Variants in LIMCH1 observed in about 807,000 individuals in gnomAD.
The protein encoded by LIMCH1 is LIM and calponin homology domains-containing protein 1.
Under a neutral mutation model 176.5 loss-of-function variants are expected in LIMCH1, and 113 were observed. That is an observed-to-expected ratio of 0.64 (90% CI 0.55 to 0.75). The LOEUF is 0.75. Ranked by LOEUF, LIMCH1 falls within the 30% of genes least tolerant of loss-of-function variation. The probability of loss-of-function intolerance (pLI) is 0.00; values close to 1 mark genes in which losing one functional copy is unlikely to be tolerated. For missense variants in LIMCH1, 1,674 were observed against 1,814.9 expected, an observed-to-expected ratio of 0.92 and a Z score of 1.41; for synonymous variants, 619 against 645.9, an observed-to-expected ratio of 0.96 and a Z score of 0.63.
chr4:41,620,404 C>A lies in LIMCH1; in HGVS notation c.459-20C>A. The A allele has an allele frequency of 6.5e-7, 1 of 1,531,632 alleles. No individual in the cohort carries two copies. 94.9% of individuals were successfully genotyped at this position (1,531,632 alleles called of 1,614,324 possible). ...AGCCCAGTCTGTTAGTTTGGTAAACCATATTGTCCAACTCACTAGCTTTCC... is the reference window on the plus strand; with the variant it reads ...AGCCCAGTCTGTTAGTTTGGTAAACAATATTGTCCAACTCACTAGCTTTCC... On this transcript the variant is annotated intron_variant, in intron 6 of 31. Transcript: ENST00000503057.
chr4:41,633,637 T>C lies in LIMCH1; in HGVS notation c.1919T>C (p.Leu640Pro), dbSNP rs1033768122. ...MTAPAWSGSG[L>P]KGQRKLDDSR... is the part of the protein sequence containing the mutation. ...GCTCCTGCCTGGAGTGGCAGTGGAC[T>C]GAAAGGCCAGCGAAAGTTGGATGAT... Residue 640 changes from leucine (L) to proline (P), a missense_variant, in exon 13 of 32, where the codon CTG becomes CCG. Around this residue, in one of 3 missense-constraint regions of LIMCH1, gnomAD observed 1,015 missense variants for 1,102.5 expected, o/e 0.92. Transcript: ENST00000503057. The C allele has an allele frequency of 2.0e-6, 3 of 1,536,158 alleles. No homozygotes were observed. In the African/African-American group the frequency reaches 4.1e-5, roughly 21 times the overall value.
chr4:41,580,948 A>G (rs1484191085), intron 1 of LIMCH1, among the ~76,000 whole-genome samples: 2 of 152,310 alleles, frequency 1.3e-5, no homozygotes, highest in South Asian at 2.1e-4. Context: ...ATAAATGATC[A>G]AAATTGATCC....
intron 1 of LIMCH1, among the ~76,000 whole-genome samples, chr4:41,586,465 T>C (rs1431348279): frequency 6.6e-6 from 1 of 152,070 alleles, no homozygotes; most frequent in Non-Finnish European, 1.5e-5. Flanking sequence ...ACCAAACCCA[T>C]AGCAATCCAC....
intron 23 of LIMCH1, among the ~76,000 whole-genome samples, chr4:41,677,272 G>A (rs908707160): frequency 3.3e-5 from 5 of 151,976 alleles, no homozygotes; most frequent in South Asian, 4.2e-4. Context: ...TTAGCCGGGC[G>A]TGGTGTCACA....
chr4:41,393,337 C>G (rs895687048), intron 1 of LIMCH1, among the ~76,000 whole-genome samples: 2 of 152,136 alleles, frequency 1.3e-5, no homozygotes, highest in Admixed American at 6.5e-5. Context: ...GCTGCTGCTG[C>G]TGGTGGTAAA....
intron 22 of LIMCH1, among the ~76,000 whole-genome samples, chr4:41,674,199 C>T (rs919463212): frequency 2.6e-5 from 4 of 152,166 alleles, no homozygotes; most frequent in Admixed American, 2.0e-4. Context: ...CCCACACTTC[C>T]TCCTCCTATC....
intron 1 of LIMCH1, among the ~76,000 whole-genome samples, chr4:41,571,076 G>A (rs1362351218): frequency 6.6e-6 from 1 of 152,142 alleles, no homozygotes; most frequent in Admixed American, 6.5e-5. Context: ...GGATCAAACA[G>A]GAGGAGAGAA....
At chr4:41,524,333 T>C in intron 2 of LIMCH1, 1 of 1,086,966 alleles carries the variant, frequency 9.2e-7, no homozygotes, top group Admixed American at 1.7e-5. Flanking sequence ...AATTTAGCTG[T>C]AGCCCCGGAT....
At chr4:41,421,771 T>A (rs1581903097) in intron 1 of LIMCH1, among the ~76,000 whole-genome samples, 1 of 152,224 alleles carries the variant, frequency 6.6e-6, no homozygotes, top group East Asian at 1.9e-4. Context: ...AAAGATGAAT[T>A]AGCAATTCAG....
intron 3 of LIMCH1, chr4:41,604,106 A>G (rs550944519): frequency 1.4e-6 from 1 of 728,518 alleles, no homozygotes; most frequent in East Asian, 1.3e-4. Flanking sequence ...GGTTCTCTTT[A>G]TTTAGATAAG....
intron 7 of LIMCH1, among the ~76,000 whole-genome samples, chr4:41,621,157 AAG>A (rs2092548788): frequency 6.6e-6 from 1 of 152,206 alleles, no homozygotes. Flanking sequence ...TCTTTGTCCC[AAG>A]AGAGTACTAA....
At chr4:41,663,133 T>TGGTGTGTGTGTG in intron 20 of LIMCH1, 149 bp downstream of exon 20, 1 of 571,550 alleles carries the variant, frequency 1.7e-6, no homozygotes. Flanking sequence ...TTTTTCTTTT[T>TGGTGTGTGTGTG]CGTGTGTGTG....
At chr4:41,616,533 A>AAATAAT (rs35236549) in intron 5 of LIMCH1, among the ~76,000 whole-genome samples, 1 of 150,412 alleles carries the variant, frequency 6.6e-6, no homozygotes, top group African/African-American at 2.5e-5. Flanking sequence ...CCATCTCAAA[A>AAATAAT]AATAATAATA....
chr4:41,479,350 C>T (rs923067120), intron 1 of LIMCH1, among the ~76,000 whole-genome samples: 2 of 152,186 alleles, frequency 1.3e-5, no homozygotes, highest in African/African-American at 2.4e-5. Context: ...ACTCTTGGCT[C>T]AAGCTGTCCT....
intron 1 of LIMCH1, among the ~76,000 whole-genome samples, chr4:41,482,533 G>T (rs148336808): frequency 1.0e-3 from 158 of 152,274 alleles, no homozygotes; most frequent in African/African-American, 3.6e-3. Context: ...TGACTGTCAT[G>T]CTTCTGCGAT....
In LIMCH1 at chr4:41,633,650, A is replaced by G; in HGVS notation, c.1932A>G (p.Arg644=). The G allele has an allele frequency of 2.0e-6, 3 of 1,536,172 alleles. No individual in the cohort carries two copies. Among genetic ancestry groups the G allele is most frequent in the Non-Finnish European group, 2.6e-6 (3 of 1,146,926 alleles). ...AWSGSGLKGQ[R]KLDDSRKDDM... is the part of the protein sequence containing the mutation. Reference sequence around the variant, plus strand: ...GTGGCAGTGGACTGAAAGGCCAGCGAAAGTTGGATGATTCACGAAAAGATG... The same window carrying G: ...GTGGCAGTGGACTGAAAGGCCAGCGGAAGTTGGATGATTCACGAAAAGATG... Residue 644 remains arginine (R), a synonymous_variant, in exon 13 of 32, where the codon CGA becomes CGG. Coordinates refer to ENST00000503057, the MANE Select transcript of LIMCH1 (RefSeq NM_001330672.2).
At chr4:41,572,762 T>C (rs1299930815) in intron 1 of LIMCH1, among the ~76,000 whole-genome samples, 2 of 152,172 alleles carry the variant, frequency 1.3e-5, no homozygotes, top group Admixed American at 6.6e-5. Flanking sequence ...GGCAGTTAGA[T>C]AGGACCTAGT....
intron 1 of LIMCH1, among the ~76,000 whole-genome samples, chr4:41,399,303 A>C (rs78861151): frequency 0.06 from 9,184 of 152,148 alleles, 895 homozygotes; most frequent in African/African-American, 0.21. Flanking sequence ...GGAAAAAAAA[A>C]CCCATAAGAA....
At chr4:41,636,556 G>A (rs754706577) in intron 13 of LIMCH1, among the ~76,000 whole-genome samples, 38 of 151,882 alleles carry the variant, frequency 2.5e-4, no homozygotes, top group Non-Finnish European at 4.1e-4. Context: ...GGTTATCTTC[G>A]GAAACTGGGC....
Sources: gnomAD v4.1 joint callset for allele counts (sites outside exome capture counted in the v4.1 genomes callset) on GRCh38, gnomAD v4.1.1 for gene constraint, gnomAD v4.1.1 regional missense constraint, MANE v1.5 for transcripts, NCBI Gene and HGNC (gene_info 2026-07-23, HGNC 2026-07-21) for gene names.